CTNNA2: variants seen among roughly 807,000 people sequenced by gnomAD.
The protein encoded by CTNNA2 is catenin alpha-2.
Under a neutral mutation model 101.0 loss-of-function variants are expected in CTNNA2, and 42 were observed. The ratio of observed to expected loss-of-function variants is 0.42; its 90% CI spans 0.32 to 0.54. The LOEUF is 0.54. Ranked by LOEUF, CTNNA2 falls within the 20% of genes least tolerant of loss-of-function variation. The pLI is 0.14. For synonymous variants in CTNNA2, 450 were observed against 456.4 expected, an observed-to-expected ratio of 0.99 and a Z score of 0.18; for missense variants, 871 against 1,223.1, an observed-to-expected ratio of 0.71 and a Z score of 4.29.
intron 7 of CTNNA2, among the ~76,000 whole-genome samples, chr2:79,958,752 A>G (rs1056726546): frequency 6.6e-6 from 1 of 151,332 alleles, no homozygotes; most frequent in South Asian, 2.1e-4. Context: ...TAAACAATAC[A>G]CTTTGTATGA....
chr2:80,040,915 G>A (rs866369361), intron 7 of CTNNA2, among the ~76,000 whole-genome samples: 79 of 152,282 alleles, frequency 5.2e-4, no homozygotes, highest in African/African-American at 1.7e-3. Flanking sequence ...CAAGTATGTT[G>A]ATGATAATAA....
At chr2:79,245,787 C>T (rs1261937895) in intron 2 of CTNNA2, among the ~76,000 whole-genome samples, 1 of 152,128 alleles carries the variant, frequency 6.6e-6, no homozygotes, top group Non-Finnish European at 1.5e-5. Flanking sequence ...TGGTCCCAGC[C>T]CCAAATGTCT....
chr2:79,712,592 G>A (rs908526873), intron 2 of CTNNA2, among the ~76,000 whole-genome samples: 1 of 152,146 alleles, frequency 6.6e-6, no homozygotes, highest in Non-Finnish European at 1.5e-5. Context: ...ATGAAAGAGT[G>A]TAAATTCATT....
intron 7 of CTNNA2, among the ~76,000 whole-genome samples, chr2:80,008,069 T>TA (rs1693502147): frequency 6.6e-6 from 1 of 152,202 alleles, no homozygotes; most frequent in Non-Finnish European, 1.5e-5. Context: ...CATGGGGCTC[T>TA]ATGACCCAGA....
chr2:80,106,826 C>T (rs1044505606), intron 7 of CTNNA2, among the ~76,000 whole-genome samples: 3 of 152,162 alleles, frequency 2.0e-5, no homozygotes, highest in Non-Finnish European at 1.5e-5. Flanking sequence ...AGGATATTCA[C>T]TGTCAGGTTA....
chr2:79,333,890 AT>A (rs1387555761), intron 3 of CTNNA2, among the ~76,000 whole-genome samples: 2 of 152,040 alleles, frequency 1.3e-5, no homozygotes, highest in African/African-American at 4.8e-5. Context: ...TTTTTAAAGC[AT>A]TTTTTATATA....
intron 7 of CTNNA2, among the ~76,000 whole-genome samples, chr2:80,386,075 C>G (rs1316680144): frequency 2.6e-5 from 4 of 152,160 alleles, no homozygotes; most frequent in Non-Finnish European, 5.9e-5. Flanking sequence ...TGATATTGCT[C>G]TACTATCGGA....
At chr2:79,883,040 C>G (rs1009958939) in intron 6 of CTNNA2, among the ~76,000 whole-genome samples, 2 of 152,152 alleles carry the variant, frequency 1.3e-5, no homozygotes, top group Non-Finnish European at 2.9e-5. Flanking sequence ...GATGAGAGAA[C>G]CTGATACTTT....
At chr2:79,354,947 G>A (rs1677475674) in intron 3 of CTNNA2, among the ~76,000 whole-genome samples, 1 of 152,116 alleles carries the variant, frequency 6.6e-6, no homozygotes, top group African/African-American at 2.4e-5. Context: ...TCACTTGGTA[G>A]GAGAGGCTCT....
At chr2:79,361,742 A>T (rs759204117) in intron 3 of CTNNA2, among the ~76,000 whole-genome samples, 3 of 152,136 alleles carry the variant, frequency 2.0e-5, no homozygotes, top group Non-Finnish European at 4.4e-5. Context: ...AAGTCCCAAA[A>T]CTGAAGAACT....
intron 7 of CTNNA2, chr2:80,163,122 G>C: frequency 6.3e-7 from 1 of 1,575,856 alleles, no homozygotes; most frequent in Non-Finnish European, 8.7e-7. Flanking sequence ...CTTATCTTTT[G>C]GAATTTCACC....
intron 7 of CTNNA2, among the ~76,000 whole-genome samples, chr2:80,307,073 T>TAGA: frequency 6.7e-6 from 1 of 148,866 alleles, no homozygotes; most frequent in African/African-American, 2.4e-5. Context: ...TATAAATATA[T>TAGA]ATTTTCTATA....
At chr2:80,296,275 C>CTGGT (rs1285158423) in intron 7 of CTNNA2, among the ~76,000 whole-genome samples, 1 of 152,134 alleles carries the variant, frequency 6.6e-6, no homozygotes, top group African/African-American at 2.4e-5. Context: ...AAGGCACAGG[C>CTGGT]TGGTGGGTTG....
At chr2:79,917,812 G>C (rs1333368563) in intron 7 of CTNNA2, among the ~76,000 whole-genome samples, 1 of 152,128 alleles carries the variant, frequency 6.6e-6, no homozygotes, top group Non-Finnish European at 1.5e-5. Context: ...GACAGGGAGA[G>C]TGTGAGAGCT....
intron 18 of CTNNA2, among the ~76,000 whole-genome samples, chr2:80,628,262 A>AC (rs372345641): frequency 1.3e-5 from 2 of 151,996 alleles, no homozygotes; most frequent in Non-Finnish European, 2.9e-5. Context: ...GGAAAAAAAA[A>AC]CACTTTAAAT....
chr2:79,282,004 A>C (rs1195598661), intron 2 of CTNNA2, among the ~76,000 whole-genome samples: 1 of 152,180 alleles, frequency 6.6e-6, no homozygotes, highest in Non-Finnish European at 1.5e-5. Context: ...TGTCAATAAA[A>C]GTATGAATAA....
intron 7 of CTNNA2, among the ~76,000 whole-genome samples, chr2:80,086,867 G>T (rs1280763250): frequency 6.6e-6 from 1 of 151,960 alleles, no homozygotes; most frequent in African/African-American, 2.4e-5. Flanking sequence ...AACTGATTTG[G>T]TTGTGCAACA....
intron 18 of CTNNA2, among the ~76,000 whole-genome samples, chr2:80,638,159 G>C (rs867699356): frequency 3.3e-5 from 5 of 152,138 alleles, no homozygotes; most frequent in Middle Eastern, 3.4e-3. Flanking sequence ...CTCTCCTATC[G>C]GTAAGGCAAA....
At chr2:79,539,975 T>C (rs1235911664) in intron 1 of CTNNA2, among the ~76,000 whole-genome samples, 1 of 152,160 alleles carries the variant, frequency 6.6e-6, no homozygotes, top group Non-Finnish European at 1.5e-5. Context: ...AAATAGTATT[T>C]ATTTTAATTA....
Sources: gnomAD v4.1 joint callset for allele counts (sites outside exome capture counted in the v4.1 genomes callset) on GRCh38, gnomAD v4.1.1 for gene constraint, MANE v1.5 for transcripts, NCBI Gene and HGNC (gene_info 2026-07-23, HGNC 2026-07-21) for gene names.